The following IQSEC1 variants were observed in gnomAD, a reference collection of about 807,000 sequenced individuals.
The protein encoded by IQSEC1 is IQ motif and SEC7 domain-containing protein 1.
IQSEC1 carries 31 observed loss-of-function variants against 91.0 expected under a neutral mutation model. The observed-to-expected ratio is 0.34, with a 90% CI of 0.26 to 0.46. The LOEUF is 0.46. Among genes scored for constraint, IQSEC1 ranks in the 20% least tolerant of loss-of-function variants. The probability of loss-of-function intolerance (pLI) is 1.00; values close to 1 mark genes in which losing one functional copy is unlikely to be tolerated. For missense variants in IQSEC1, 1,388 were observed against 1,575.6 expected, an observed-to-expected ratio of 0.88 and a Z score of 2.02; for synonymous variants, 699 against 662.6, an observed-to-expected ratio of 1.05 and a Z score of -0.84.
intron 1 of IQSEC1, among the ~76,000 whole-genome samples, chr3:12,976,893 G>C (rs533217234): frequency 4.6e-5 from 7 of 152,072 alleles, no homozygotes; most frequent in African/African-American, 1.7e-4. Flanking sequence ...CTCAATCTCA[G>C]CAATTCCCTG....
intron 2 of IQSEC1, among the ~76,000 whole-genome samples, chr3:13,112,012 C>A (rs1706254993): frequency 6.6e-6 from 1 of 152,198 alleles, no homozygotes; most frequent in South Asian, 2.1e-4. Context: ...TGCCCCAGCC[C>A]CTGCACCCTC....
In IQSEC1 at chr3:12,909,715, C is replaced by T. The variant is rs1477415441; in HGVS notation, c.2417-281G>A. Among the ~76,000 whole-genome samples the T allele has an allele frequency of 3.9e-5, 6 of 152,218 alleles. No individual in the cohort carries two copies. Among genetic ancestry groups the T allele is most frequent in the Non-Finnish European group, 7.3e-5 (5 of 68,038 alleles). On this transcript the variant is annotated intron_variant, in intron 10 of 13. Coordinates refer to ENST00000613206, the MANE Select transcript of IQSEC1 (RefSeq NM_001134382.3). The surrounding 1 kb of genome is among the most constrained non-coding windows in gnomAD (Gnocchi z 4.9). ...GCGTCCTGGAGGAGGACAGAGGTTG[C>T]GTCCTGAGAAAGGTGGGAGTCTTCT... is the stretch of plus-strand genomic sequence containing the variant.
chr3:13,147,078 T>C (rs1706910887), intron 2 of IQSEC1, among the ~76,000 whole-genome samples: 1 of 152,290 alleles, frequency 6.6e-6, no homozygotes, highest in South Asian at 2.1e-4. Context: ...CTCTGCAGGT[T>C]GGAAGGTAAT....
At chr3:13,146,637 T>C (rs1209521316) in intron 2 of IQSEC1, among the ~76,000 whole-genome samples, 1 of 152,186 alleles carries the variant, frequency 6.6e-6, no homozygotes, top group Non-Finnish European at 1.5e-5. Context: ...GCCAAGAGTT[T>C]GAGACCAGCC....
intron 3 of IQSEC1, among the ~76,000 whole-genome samples, chr3:12,925,525 T>A (rs190321113): frequency 6.6e-6 from 1 of 152,118 alleles, no homozygotes; most frequent in Admixed American, 6.5e-5. Flanking sequence ...CCGTAAGAGG[T>A]TTCTATGCCG....
chr3:13,153,713 C>A (rs1374270610), intron 2 of IQSEC1, among the ~76,000 whole-genome samples: 2 of 152,166 alleles, frequency 1.3e-5, no homozygotes, highest in Non-Finnish European at 2.9e-5. Flanking sequence ...CTGTGCGTGT[C>A]TTTCCTTTGT....
chr3:12,957,767 A>G (rs1700004479), intron 1 of IQSEC1, among the ~76,000 whole-genome samples: 2 of 152,252 alleles, frequency 1.3e-5, no homozygotes. Context: ...AACTGAAAGG[A>G]AAGTATGGCA....
chr3:13,085,919 G>T (rs147813843), intron 2 of IQSEC1, among the ~76,000 whole-genome samples: 201 of 152,294 alleles, frequency 1.3e-3, no homozygotes, highest in African/African-American at 4.5e-3. Context: ...GCTGTCACCC[G>T]CTATCCTTAC....
rs1700855830 is a variant in IQSEC1, at chr3:12,970,809, G to A, written c.24-28944C>T. Reference sequence around the variant, plus strand: ...CCAAGTCAGAAACTCCTTTTACATGGCATCAGGTTACTCTGCACCTGCTTG... The same window carrying A: ...CCAAGTCAGAAACTCCTTTTACATGACATCAGGTTACTCTGCACCTGCTTG... On this transcript the variant is annotated intron_variant, in intron 1 of 13. Transcript: ENST00000613206. The surrounding 1 kb of genome is among the most constrained non-coding windows in gnomAD (Gnocchi z 4.4). Among the ~76,000 whole-genome samples, 1 of 152,156 alleles carries A rather than the reference G, an allele frequency of 6.6e-6. No homozygotes were observed. The highest frequency in any genetic ancestry group is 2.4e-5 in the African/African-American group (1 of 41,432).
At position 12,898,160 on chromosome 3, in the gene IQSEC1, A is replaced by C. The variant is rs944676633; in HGVS notation, c.*2823T>G. 1.3e-5 allele frequency: 2 copies of C among 152,214 alleles called. No homozygotes were observed. The highest frequency in any genetic ancestry group is 1.3e-4 in the Admixed American group (2 of 15,278). 9.4% of individuals were successfully genotyped at this position (152,214 alleles called of 1,614,324 possible). A position where few individuals can be genotyped will look rare whatever the true frequency, so the allele number is the denominator to read the frequency against. ...CCTGCCTCCCCTCCCAGGGGATGTG[A>C]TGACAGGACCCCGAAGCTGTGGCTC... On this transcript the variant is annotated 3_prime_UTR_variant, in exon 14 of 14. Coordinates refer to ENST00000613206, the MANE Select transcript of IQSEC1 (RefSeq NM_001134382.3).
intron 2 of IQSEC1, among the ~76,000 whole-genome samples, chr3:13,143,682 G>A (rs1194401181): frequency 6.6e-6 from 1 of 152,206 alleles, no homozygotes; most frequent in Non-Finnish European, 1.5e-5. Flanking sequence ...GGCAGGGAGA[G>A]AAGGTCCATT....
At chr3:13,038,169 A>AAT (rs916876406) in intron 1 of IQSEC1, among the ~76,000 whole-genome samples, 2 of 147,646 alleles carry the variant, frequency 1.4e-5, no homozygotes, top group African/African-American at 2.5e-5. Context: ...TATATATATG[A>AAT]ATATATATAT....
intron 1 of IQSEC1, among the ~76,000 whole-genome samples, chr3:13,252,080 T>C (rs1432227028): frequency 2.0e-5 from 3 of 152,220 alleles, no homozygotes; most frequent in African/African-American, 7.2e-5. Flanking sequence ...CATTTTCAAG[T>C]GTACAGTTCA....
At chr3:13,016,442 G>A (rs1312988458) in intron 1 of IQSEC1, among the ~76,000 whole-genome samples, 2 of 152,182 alleles carry the variant, frequency 1.3e-5, no homozygotes, top group African/African-American at 4.8e-5. Context: ...CAGCAGCCCG[G>A]GTGACGGTTT....
At chr3:13,081,328 G>T (rs1475032984) in intron 2 of IQSEC1, among the ~76,000 whole-genome samples, 2 of 152,160 alleles carry the variant, frequency 1.3e-5, no homozygotes, top group African/African-American at 4.8e-5. Context: ...GAGTACAGTG[G>T]CACAATCACA....
chr3:12,909,127 G>GC lies in IQSEC1; in HGVS notation c.2578+145dup. On this transcript the variant is annotated intron_variant, in intron 11 of 13. Transcript: ENST00000613206. The surrounding 1 kb of genome is among the most constrained non-coding windows in gnomAD (Gnocchi z 4.9). ...CTCCTGCAGCCTGGGAACACAGACT[G>GC]CCCCATCATGTGGCCATAGGGAAGG... is the stretch of plus-strand genomic sequence containing the variant. 1 of 815,040 alleles carries GC rather than the reference G, an allele frequency of 1.2e-6. No homozygotes were observed. Among genetic ancestry groups the GC allele is most frequent in the South Asian group, 1.7e-5 (1 of 59,742 alleles). 50.5% of individuals were successfully genotyped at this position (815,040 alleles called of 1,614,324 possible). A position where few individuals can be genotyped will look rare whatever the true frequency, so the allele number is the denominator to read the frequency against.
At chr3:13,036,562 GC>G (rs1704042738) in intron 1 of IQSEC1, among the ~76,000 whole-genome samples, 1 of 152,196 alleles carries the variant, frequency 6.6e-6, no homozygotes, top group Non-Finnish European at 1.5e-5. Flanking sequence ...CACCCAGGGT[GC>G]CCCCTGTAGA....
intron 1 of IQSEC1, among the ~76,000 whole-genome samples, chr3:13,271,825 T>A (rs543649240): frequency 1.3e-5 from 2 of 152,112 alleles, no homozygotes; most frequent in Admixed American, 1.3e-4. Flanking sequence ...AAAATAAAAA[T>A]TAACAAATAA....
chr3:13,210,700 G>A (rs1694428016), intron 1 of IQSEC1, among the ~76,000 whole-genome samples: 1 of 152,190 alleles, frequency 6.6e-6, no homozygotes, highest in South Asian at 2.1e-4. Context: ...TTCCTAAGAA[G>A]GAGAGTGTCT....
Sources: allele counts gnomAD v4.1 joint callset (sites outside exome capture counted in the v4.1 genomes callset), GRCh38; gene constraint gnomAD v4.1.1; non-coding constraint Gnocchi (gnomAD v3.1); transcripts MANE v1.5; gene names NCBI Gene and HGNC (gene_info 2026-07-23, HGNC 2026-07-21).